LMX1B: variants seen among roughly 807,000 people sequenced by gnomAD.
LMX1B encodes LIM homeobox transcription factor 1 beta, also known as LIM homeobox transcription factor 1-beta.
In LMX1B, 12 loss-of-function variants were observed where a neutral mutation model predicts 51.4. That is an observed-to-expected ratio of 0.23 (90% CI 0.15 to 0.38). The LOEUF (loss-of-function observed/expected upper bound fraction) is 0.38, where lower values mean the gene tolerates loss of function less well. Ranked by LOEUF, LMX1B falls within the 10% of genes least tolerant of loss-of-function variation. LMX1B has a pLI of 1.00. For missense variants in LMX1B, 445 were observed against 571.1 expected, an observed-to-expected ratio of 0.78 and a Z score of 2.25; for synonymous variants, 237 against 235.4, an observed-to-expected ratio of 1.01 and a Z score of -0.06.
At chr9:126,668,153 T>G (rs776711546) in intron 2 of LMX1B, among the ~76,000 whole-genome samples, 2 of 152,016 alleles carry the variant, frequency 1.3e-5, no homozygotes, top group Admixed American at 6.6e-5. Flanking sequence ...ACTTTGGTGT[T>G]TGGGGCTCAG....
rs1168316771 is a variant in LMX1B, at chr9:126,697,826, G to A, written c.*1375G>A. 6.6e-6 allele frequency: 1 copy of A among 152,296 alleles called. No homozygotes were observed. Among genetic ancestry groups the A allele is most frequent in the East Asian group, 1.9e-4 (1 of 5,272 alleles). The allele number at this position is 152,296 out of a possible 1,614,324, so 9.4% of individuals were successfully genotyped here. On this transcript the variant is annotated 3_prime_UTR_variant, in exon 8 of 8. Transcript: ENST00000373474. ...TCTGTTTTCTGTGTATATGCAGGAT[G>A]GGGGCACCTACTGTTTTGTTTTGTT...
chr9:126,654,590 T>C (rs1484766993), intron 2 of LMX1B, among the ~76,000 whole-genome samples: 1 of 152,194 alleles, frequency 6.6e-6, no homozygotes, highest in African/African-American at 2.4e-5. Context: ...GCTTCTCTCT[T>C]GCCCAAACTG....
chr9:126,659,037 C>T (rs2118916981), intron 2 of LMX1B, among the ~76,000 whole-genome samples: 1 of 152,298 alleles, frequency 6.6e-6, no homozygotes, highest in African/African-American at 2.4e-5. Flanking sequence ...GCCGAGGTAT[C>T]CTCTCCTTCA....
At chr9:126,649,447 C>A (rs1835961545) in intron 2 of LMX1B, among the ~76,000 whole-genome samples, 1 of 152,184 alleles carries the variant, frequency 6.6e-6, no homozygotes, top group Non-Finnish European at 1.5e-5. Flanking sequence ...AGTTCTCCAA[C>A]TCAAGCAGGC....
At chr9:126,650,657 C>T (rs1164437200) in intron 2 of LMX1B, among the ~76,000 whole-genome samples, 1 of 152,214 alleles carries the variant, frequency 6.6e-6, no homozygotes, top group Non-Finnish European at 1.5e-5. Context: ...GCACTGCCCA[C>T]CACTCAGGCC....
At chr9:126,692,604 G>A (rs989682417) in intron 3 of LMX1B, among the ~76,000 whole-genome samples, 3 of 152,268 alleles carry the variant, frequency 2.0e-5, no homozygotes, top group African/African-American at 7.2e-5. Context: ...GAGCCCACGT[G>A]TATGTGGCAG....
intron 3 of LMX1B, among the ~76,000 whole-genome samples, chr9:126,691,455 G>A (rs2030127989): frequency 6.6e-6 from 1 of 152,180 alleles, no homozygotes; most frequent in African/African-American, 2.4e-5. Flanking sequence ...ACACACAAGT[G>A]TACACACTTA....
In LMX1B at chr9:126,613,948, C is replaced by T. The variant is rs1461771199; in HGVS notation, c.-502C>T. 6.8e-6 allele frequency among the ~76,000 whole-genome samples: 1 copy of T among 146,456 alleles called. No individual in the cohort carries two copies. The highest frequency in any genetic ancestry group is 2.4e-5 in the African/African-American group (1 of 40,840). On this transcript the variant is annotated 5_prime_UTR_variant, in exon 1 of 8. Transcript: ENST00000373474. The surrounding 1 kb of genome is among the most constrained non-coding windows in gnomAD (Gnocchi z 4.5). ...CCGCCAGCCCCAGCTCTAAACCCGG[C>T]GGCTCAGCGGGCGCACCATGGCACT...
chr9:126,690,753 C>A, intron 2 of LMX1B, 83 bp from the exon 3 acceptor site: 1 of 1,247,994 alleles, frequency 8.0e-7, no homozygotes, highest in East Asian at 2.5e-5. Context: ...GTCAGGGTGG[C>A]AAGAGGGAGA....
At position 126,630,552 on chromosome 9, in the gene LMX1B, C is replaced by T. The variant is rs142983782; in HGVS notation, c.326+14983C>T. Among the ~76,000 whole-genome samples the T allele has an allele frequency of 2.4e-4, 36 of 152,300 alleles. No individual in the cohort carries two copies. In the East Asian group the frequency reaches 6.6e-3, roughly 28 times the overall value. ...AAGCACAGAGAACCTAAGTGTCTTG[C>T]CCTAGGTCACACAGCTAGTTAGCAG... On this transcript the variant is annotated intron_variant, in intron 2 of 7. Transcript: ENST00000373474.
At chr9:126,660,791 T>A (rs1415240975) in intron 2 of LMX1B, among the ~76,000 whole-genome samples, 1 of 152,196 alleles carries the variant, frequency 6.6e-6, no homozygotes, top group Non-Finnish European at 1.5e-5. Flanking sequence ...GAGCCCGTAG[T>A]GTGGCTGTGG....
intron 2 of LMX1B, among the ~76,000 whole-genome samples, chr9:126,666,984 T>C: frequency 6.6e-6 from 1 of 152,190 alleles, no homozygotes; most frequent in Admixed American, 6.5e-5. Context: ...TCTCTTTTGT[T>C]CTCTGTATTT....
Position 126,695,830 on chromosome 9 carries a change from T to G in LMX1B, c.887-9T>G, listed in dbSNP as rs2030306318. 6.2e-7 allele frequency: 1 copy of G among 1,612,336 alleles called. No homozygotes were observed. Among genetic ancestry groups the G allele is most frequent in the Admixed American group, 1.7e-5 (1 of 59,924 alleles). On this transcript the variant is annotated splice_polypyrimidine_tract_variant and intron_variant, in intron 6 of 7. Transcript: ENST00000373474. This position sits in a 1 kb window ranked among gnomAD's most constrained non-coding sequence, Gnocchi z 5.2. ...CAGGCCAGGGGGTGAAGGCTCACTGTGCCCCCAGAGGTCCTGTCCAGCCGC... is the reference window on the plus strand; with the variant it reads ...CAGGCCAGGGGGTGAAGGCTCACTGGGCCCCCAGAGGTCCTGTCCAGCCGC...
intron 2 of LMX1B, among the ~76,000 whole-genome samples, chr9:126,685,960 T>C (rs1173812580): frequency 6.6e-6 from 1 of 152,054 alleles, no homozygotes; most frequent in East Asian, 1.9e-4. Flanking sequence ...GATCTGGGCA[T>C]GAAGACCTGC....
chr9:126,661,365 C>A (rs946455539), intron 2 of LMX1B, among the ~76,000 whole-genome samples: 2 of 152,154 alleles, frequency 1.3e-5, no homozygotes, highest in Non-Finnish European at 2.9e-5. Flanking sequence ...CTCTGTCTGT[C>A]GGGGCCAGAG....
chr9:126,669,239 C>T (rs1008878332), intron 2 of LMX1B, among the ~76,000 whole-genome samples: 4 of 117,264 alleles, frequency 3.4e-5, no homozygotes, highest in Non-Finnish European at 5.5e-5. Flanking sequence ...AAGGCCTGGC[C>T]GCGAGGAGGG....
intron 2 of LMX1B, among the ~76,000 whole-genome samples, chr9:126,655,508 C>T (rs750140360): frequency 6.6e-6 from 1 of 152,158 alleles, no homozygotes; most frequent in Non-Finnish European, 1.5e-5. Context: ...TTGTCCCCTA[C>T]TAGCTGAGAG....
In LMX1B at chr9:126,642,870, G is replaced by A. The variant is rs1420233531; in HGVS notation, c.326+27301G>A. On this transcript the variant is annotated intron_variant, in intron 2 of 7. Transcript: ENST00000373474. ...AGCCCTGGTTGTGGACAGGGACCCCGTCCAGGGATGATGGATCTGCAGCCC... is the reference window on the plus strand; with the variant it reads ...AGCCCTGGTTGTGGACAGGGACCCCATCCAGGGATGATGGATCTGCAGCCC... Among the ~76,000 whole-genome samples the A allele has an allele frequency of 7.2e-5, 11 of 152,324 alleles. No individual in the cohort carries two copies. In the East Asian group the frequency reaches 1.9e-3, roughly 27 times the overall value.
Position 126,671,019 on chromosome 9 carries a change from G to GT in LMX1B, c.327-19816dup, listed in dbSNP as rs1836439618. Among the ~76,000 whole-genome samples, 1 of 152,168 alleles carries GT rather than the reference G, an allele frequency of 6.6e-6. No homozygotes were observed. Among genetic ancestry groups the GT allele is most frequent in the Non-Finnish European group, 1.5e-5 (1 of 68,028 alleles). Reference sequence around the variant, plus strand: ...CACCACTGTGGTTGTCTGGAGGGGAGTGCAGGACAGATACACAGCCAGGGG... The same window carrying GT: ...CACCACTGTGGTTGTCTGGAGGGGAGTTGCAGGACAGATACACAGCCAGGGG... On this transcript the variant is annotated intron_variant, in intron 2 of 7. Coordinates refer to ENST00000373474, the MANE Select transcript of LMX1B (RefSeq NM_001174147.2). This position sits in a 1 kb window ranked among gnomAD's most constrained non-coding sequence, Gnocchi z 4.4.
Sources: gnomAD v4.1 joint callset for allele counts (sites outside exome capture counted in the v4.1 genomes callset) on GRCh38, gnomAD v4.1.1 for gene constraint, Gnocchi (gnomAD v3.1) non-coding constraint, MANE v1.5 for transcripts, NCBI Gene and HGNC (gene_info 2026-07-23, HGNC 2026-07-21) for gene names.